The following NEK10 variants were observed in gnomAD, a reference collection of about 807,000 sequenced individuals.
The protein encoded by NEK10 is serine/threonine-protein kinase Nek10.
A neutral mutation model predicts 159.8 loss-of-function variants in NEK10; 122 were observed. That is an observed-to-expected ratio of 0.76 (90% CI 0.66 to 0.89). The LOEUF (loss-of-function observed/expected upper bound fraction) is 0.89, where lower values mean the gene tolerates loss of function less well. Ranked by LOEUF, NEK10 falls within the 40% of genes least tolerant of loss-of-function variation. The probability of loss-of-function intolerance (pLI) is 0.00; values close to 1 mark genes in which losing one functional copy is unlikely to be tolerated. For synonymous variants in NEK10, 466 were observed against 457.1 expected, an observed-to-expected ratio of 1.02 and a Z score of -0.25; for missense variants, 1,342 against 1,323.1, an observed-to-expected ratio of 1.01 and a Z score of -0.22.
chr3:27,168,189 C>T (rs1236838336), intron 29 of NEK10, among the ~76,000 whole-genome samples: 1 of 151,684 alleles, frequency 6.6e-6, no homozygotes, highest in African/African-American at 2.4e-5. Flanking sequence ...GTAAGGGTCC[C>T]CAAGTGGGAG....
chr3:27,123,913 C>T (rs1169749485), intron 32 of NEK10, among the ~76,000 whole-genome samples: 1 of 151,736 alleles, frequency 6.6e-6, no homozygotes, highest in Non-Finnish European at 1.5e-5. Flanking sequence ...GACGTGGAGA[C>T]AGCAAGGGGC....
chr3:27,364,032 C>A (rs182339852), intron 1 of NEK10, among the ~76,000 whole-genome samples: 1 of 151,616 alleles, frequency 6.6e-6, no homozygotes, highest in Non-Finnish European at 1.5e-5. Flanking sequence ...TCTTTAGAAC[C>A]GTCAACAACT....
intron 22 of NEK10, among the ~76,000 whole-genome samples, chr3:27,284,135 C>T (rs1240698213): frequency 6.6e-6 from 1 of 152,124 alleles, no homozygotes; most frequent in Non-Finnish European, 1.5e-5. Flanking sequence ...CCTGCAATCC[C>T]AGCACTTTGG....
rs1381723848 is a variant in NEK10, at chr3:27,365,864, C to T, written c.-38+3361G>A. Among the ~76,000 whole-genome samples, 6 of 152,016 alleles carry T rather than the reference C, an allele frequency of 3.9e-5. No individual in the cohort carries two copies. The South Asian group carries it at 8.3e-4, about 21-fold the overall frequency. On this transcript the variant is annotated intron_variant, in intron 1 of 35. Transcript: ENST00000691995. ...CTGACCTCAAGTGATCCTCCCGCCT[C>T]GGCCTCCCAAAGTGAGCCATCATGC...
intron 30 of NEK10, among the ~76,000 whole-genome samples, chr3:27,147,349 A>G (rs547606126): frequency 6.6e-6 from 1 of 152,356 alleles, no homozygotes; most frequent in East Asian, 1.9e-4. Flanking sequence ...AAACTTCCCA[A>G]CACAGACCAG....
chr3:27,243,366 T>C (rs113467132), intron 23 of NEK10, among the ~76,000 whole-genome samples: 1,748 of 152,294 alleles, frequency 0.011, 14 homozygotes, highest in Non-Finnish European at 0.02. Flanking sequence ...ACAAATTAAA[T>C]GTAGCCCTGC....
intron 1 of NEK10, among the ~76,000 whole-genome samples, chr3:27,368,336 C>CATAT (rs148886963): frequency 1.5e-4 from 22 of 150,500 alleles, no homozygotes; most frequent in African/African-American, 3.0e-4. Flanking sequence ...TATATATACA[C>CATAT]ATATATATAT....
chr3:27,162,504 G>T, intron 30 of NEK10, 197 bp downstream of exon 30: 1 of 1,614,090 alleles, frequency 6.2e-7, no homozygotes, highest in East Asian at 2.2e-5. Flanking sequence ...GAAGGCTATG[G>T]GACTGCCACC....
intron 23 of NEK10, among the ~76,000 whole-genome samples, chr3:27,235,904 G>A (rs1225650779): frequency 1.3e-5 from 2 of 151,174 alleles, no homozygotes; most frequent in African/African-American, 4.9e-5. Flanking sequence ...TGATAGACTG[G>A]GTAAAAAAAA....
intron 23 of NEK10, among the ~76,000 whole-genome samples, chr3:27,246,718 G>A (rs1001538160): frequency 2.0e-5 from 3 of 151,356 alleles, no homozygotes; most frequent in Non-Finnish European, 2.9e-5. Flanking sequence ...TCCTAGCCCC[G>A]GTGACCATCC....
At chr3:27,345,993 G>T (rs993295147) in intron 4 of NEK10, 93 bp downstream of exon 4, 13 of 1,240,998 alleles carry the variant, frequency 1.0e-5, no homozygotes, top group Non-Finnish European at 1.4e-5. Flanking sequence ...TTTGAAGCGG[G>T]TTTTAAATTT....
chr3:27,202,474 A>C lies in NEK10; in HGVS notation c.2174T>G (p.Leu725Trp). 3 of 1,613,860 alleles carry C rather than the reference A, an allele frequency of 1.9e-6. No individual in the cohort carries two copies. Among genetic ancestry groups the C allele is most frequent in the Non-Finnish European group, 2.5e-6 (3 of 1,179,858 alleles). ...VGCILYQMATLSPPFYSTNML... is the reference protein window; with the variant it reads ...VGCILYQMATWSPPFYSTNML... Reference sequence around the variant, plus strand: ...GTTAGTGCTGTAGAAGGGGGGACTCAAAGTCGCCATCTGATAAAGGATGCA... The same window carrying C: ...GTTAGTGCTGTAGAAGGGGGGACTCCAAGTCGCCATCTGATAAAGGATGCA... Residue 725 changes from leucine to tryptophan, a missense_variant, in exon 24 of 36, where the codon TTG becomes TGG. Transcript: ENST00000691995.
intron 32 of NEK10, among the ~76,000 whole-genome samples, chr3:27,130,007 G>T (rs1324878585): frequency 3.3e-5 from 5 of 152,060 alleles, no homozygotes; most frequent in Admixed American, 3.3e-4. Flanking sequence ...CTGACTAAGA[G>T]GATACACCCC....
At position 27,219,151 on chromosome 3, in the gene NEK10, C is replaced by G. The variant is rs549111953; in HGVS notation, c.2091-16594G>C. Among the ~76,000 whole-genome samples, 82 of 152,348 alleles carry G rather than the reference C, an allele frequency of 5.4e-4. 1 individual carries two copies. The highest frequency in any genetic ancestry group is 1.9e-3 in the African/African-American group (80 of 41,584). The stretch of plus-strand genomic sequence containing the variant: ...TCTTGTCAGTGTTATAACCCAGGAA[C>G]CTTTTCCTTAAAGGCGTAGCCACCA... On this transcript the variant is annotated intron_variant, in intron 23 of 35. Coordinates refer to ENST00000691995, the MANE Select transcript of NEK10 (RefSeq NM_001394966.1).
At chr3:27,294,853 C>G (rs1307371498) in intron 15 of NEK10, among the ~76,000 whole-genome samples, 1 of 152,160 alleles carries the variant, frequency 6.6e-6, no homozygotes, top group African/African-American at 2.4e-5. Context: ...CCCCCGCCCC[C>G]ACTCTGCCAA....
intron 5 of NEK10, among the ~76,000 whole-genome samples, chr3:27,334,187 C>T (rs1302247319): frequency 2.6e-5 from 4 of 152,234 alleles, no homozygotes. Flanking sequence ...ACCCACCAAG[C>T]CACTACAACC....
intron 32 of NEK10, among the ~76,000 whole-genome samples, chr3:27,129,845 T>C (rs557347360): frequency 3.3e-5 from 5 of 151,026 alleles, no homozygotes; most frequent in African/African-American, 4.8e-5. Context: ...GATTCACCCA[T>C]AGAGAAAGGT....
intron 32 of NEK10, among the ~76,000 whole-genome samples, chr3:27,120,809 C>T (rs565376797): frequency 1.7e-4 from 26 of 152,090 alleles, no homozygotes; most frequent in East Asian, 3.8e-4. Context: ...AGACCGTAAA[C>T]GTTTTTCAAC....
intron 23 of NEK10, among the ~76,000 whole-genome samples, chr3:27,243,582 T>C (rs2149268120): frequency 6.6e-6 from 1 of 152,274 alleles, no homozygotes; most frequent in Middle Eastern, 3.4e-3. Flanking sequence ...ACATATACTG[T>C]CATAATGTCT....
Sources: allele counts gnomAD v4.1 joint callset (sites outside exome capture counted in the v4.1 genomes callset), GRCh38; gene constraint gnomAD v4.1.1; transcripts MANE v1.5; gene names NCBI Gene and HGNC (gene_info 2026-07-23, HGNC 2026-07-21).